ABLIM2: variants seen among roughly 807,000 people sequenced by gnomAD.
ABLIM2 encodes the protein actin binding LIM protein family member 2.
Under a neutral mutation model 97.7 loss-of-function variants are expected in ABLIM2, and 53 were observed. The observed-to-expected ratio is 0.54, with a 90% CI of 0.44 to 0.68. The LOEUF (loss-of-function observed/expected upper bound fraction) is 0.68. Ranked by LOEUF, ABLIM2 falls within the 30% of genes least tolerant of loss-of-function variation. The pLI, the probability that ABLIM2 is intolerant of heterozygous loss-of-function variation, is 0.00. For synonymous variants in ABLIM2, 361 were observed against 345.8 expected, an observed-to-expected ratio of 1.04 and a Z score of -0.49; for missense variants, 835 against 867.2, an observed-to-expected ratio of 0.96 and a Z score of 0.47.
chr4:8,139,966 A>ACCC (rs1850721911), intron 1 of ABLIM2, among the ~76,000 whole-genome samples: 1 of 152,118 alleles, frequency 6.6e-6, no homozygotes, highest in African/African-American at 2.4e-5. Flanking sequence ...CATGGATAGA[A>ACCC]CTGGAAGCCA....
intron 2 of ABLIM2, among the ~76,000 whole-genome samples, chr4:8,104,989 G>T (rs1043700046): frequency 6.6e-6 from 1 of 152,190 alleles, no homozygotes; most frequent in Non-Finnish European, 1.5e-5. Flanking sequence ...GACCCTCAAG[G>T]CGCCTCCACA....
intron 6 of ABLIM2, among the ~76,000 whole-genome samples, chr4:8,066,139 A>T (rs1049933528): frequency 4.7e-5 from 7 of 149,350 alleles, no homozygotes; most frequent in African/African-American, 1.7e-4. Context: ...GTCTCTACTA[A>T]AAAAAAATTA....
chr4:8,008,860 C>T (rs1221706375), intron 15 of ABLIM2, among the ~76,000 whole-genome samples, 190 bp downstream of exon 15: 2 of 152,138 alleles, frequency 1.3e-5, no homozygotes, highest in African/African-American at 4.8e-5. Flanking sequence ...CCCAGGACCT[C>T]GGTAGGAGAC....
chr4:7,994,018 G>T, intron 16 of ABLIM2: 1 of 475,872 alleles, frequency 2.1e-6, no homozygotes, highest in Non-Finnish European at 4.2e-6. Context: ...TTGCATTCTG[G>T]AAAGGAAGGG....
At chr4:7,967,630 G>T (rs748025373) in intron 20 of ABLIM2, among the ~76,000 whole-genome samples, 13 of 152,216 alleles carry the variant, frequency 8.5e-5, no homozygotes, top group Non-Finnish European at 1.5e-4. Flanking sequence ...GGAAGCCCCT[G>T]GTGTGTAAGC....
chr4:8,106,352 TCTC>T (rs1225938043), intron 2 of ABLIM2, 139 bp downstream of exon 2: 57 of 1,194,298 alleles, frequency 4.8e-5, no homozygotes, highest in Non-Finnish European at 6.2e-5. Context: ...AAGATCCCAC[TCTC>T]CTCTGAAGAT....
At chr4:8,017,552 C>T (rs185715033) in intron 14 of ABLIM2, among the ~76,000 whole-genome samples, 3,103 of 152,044 alleles carry the variant, frequency 0.02, 35 homozygotes, top group Non-Finnish European at 0.03. Context: ...CTTCCCAAAG[C>T]GCTAGGATTA....
chr4:8,075,809 G>A lies in ABLIM2; in HGVS notation c.675+1819C>T, dbSNP rs564940055. On this transcript the variant is annotated intron_variant, in intron 6 of 20. Coordinates refer to ENST00000447017, the MANE Select transcript of ABLIM2 (RefSeq NM_001130083.2). The surrounding 1 kb of genome is among the most constrained non-coding windows in gnomAD (Gnocchi z 4.4). ...AATACCAAAAGAAGAAATGCTTATG[G>A]GGAGTTTATAATAAACTGGAAATCT... 3.2e-4 allele frequency among the ~76,000 whole-genome samples: 49 copies of A among 152,334 alleles called. No homozygotes were observed. Among genetic ancestry groups the A allele is most frequent in the Middle Eastern group, 3.4e-3 (1 of 294 alleles).
Position 8,058,292 on chromosome 4 carries a change from C to A in ABLIM2, c.763+2675G>T, listed in dbSNP as rs866556642. 1.3e-5 allele frequency among the ~76,000 whole-genome samples: 2 copies of A among 152,228 alleles called. No individual in the cohort carries two copies. The highest frequency in any genetic ancestry group is 4.8e-5 in the African/African-American group (2 of 41,474). On this transcript the variant is annotated intron_variant, in intron 7 of 20. Coordinates refer to ENST00000447017, the MANE Select transcript of ABLIM2 (RefSeq NM_001130083.2). This position sits in a 1 kb window ranked among gnomAD's most constrained non-coding sequence, Gnocchi z 4.2. Reference sequence around the variant, plus strand: ...AAGGACCCTTTGACGGGCTCTCGAGCAGAGACTCAAGGAACAGGCGACACC... The same window carrying A: ...AAGGACCCTTTGACGGGCTCTCGAGAAGAGACTCAAGGAACAGGCGACACC...
At position 8,003,383 on chromosome 4, in the gene ABLIM2, G is replaced by T. The variant is rs201189400; in HGVS notation, c.1618+4676C>A. On this transcript the variant is annotated intron_variant, in intron 16 of 20. Transcript: ENST00000447017. The surrounding 1 kb of genome is among the most constrained non-coding windows in gnomAD (Gnocchi z 4.2). ...TGTACTGAGAGTGAGAAACAGAATG[G>T]GTGTGTGGATACTGGAGGGTGTGTG... Among the ~76,000 whole-genome samples, 64 of 152,136 alleles carry T rather than the reference G, an allele frequency of 4.2e-4. No individual in the cohort carries two copies. In the East Asian group the frequency reaches 9.5e-3, roughly 23 times the overall value.
chr4:8,141,637 C>T (rs769502592), intron 1 of ABLIM2, among the ~76,000 whole-genome samples: 3 of 152,208 alleles, frequency 2.0e-5, no homozygotes, highest in Admixed American at 1.3e-4. Context: ...CTGCTTTGGT[C>T]TCCCAAAGTG....
intron 1 of ABLIM2, among the ~76,000 whole-genome samples, chr4:8,131,915 CA>C (rs1450287621): frequency 6.7e-6 from 1 of 149,028 alleles, no homozygotes; most frequent in Non-Finnish European, 1.5e-5. Flanking sequence ...ATCTCCAGCA[CA>C]GCAGCCAGCA....
rs1760150222 is a variant in ABLIM2 at position 8,005,003 on chromosome 4, G to A, written c.1618+3056C>T. ...CAGGGACTGGGCCATGCTCACCACT[G>A]CCTAGCACCATGTCCAGCACATAGT... On this transcript the variant is annotated intron_variant, in intron 16 of 20. Coordinates refer to ENST00000447017, the MANE Select transcript of ABLIM2 (RefSeq NM_001130083.2). The surrounding 1 kb of genome is among the most constrained non-coding windows in gnomAD (Gnocchi z 4.9). Among the ~76,000 whole-genome samples, 1 of 152,192 alleles carries A rather than the reference G, an allele frequency of 6.6e-6. No individual in the cohort carries two copies. The highest frequency in any genetic ancestry group is 2.4e-5 in the African/African-American group (1 of 41,442).
At chr4:8,081,222 G>A (rs1478685304) in intron 4 of ABLIM2, among the ~76,000 whole-genome samples, 3 of 152,032 alleles carry the variant, frequency 2.0e-5, no homozygotes, top group Admixed American at 6.6e-5. Context: ...CGTCAGCCCT[G>A]GGAGCTCTCC....
intron 20 of ABLIM2, among the ~76,000 whole-genome samples, chr4:7,977,322 G>C (rs183642911): frequency 1.3e-5 from 2 of 151,894 alleles, no homozygotes; most frequent in Non-Finnish European, 2.9e-5. Context: ...ACCCAGTCTC[G>C]GGTATTTCTT....
chr4:8,026,829 G>A (rs1201929240), intron 12 of ABLIM2, among the ~76,000 whole-genome samples: 1 of 151,066 alleles, frequency 6.6e-6, no homozygotes, highest in Non-Finnish European at 1.5e-5. Flanking sequence ...AGACATCGCT[G>A]TGTCTGCAGT....
chr4:7,966,598 A>C lies in ABLIM2; in HGVS notation c.*392T>G. ...CCCGATGATGGTGTCAGCAACCATCATCAACAAGCCTCACAGCTCACGTCC... is the reference window on the plus strand; with the variant it reads ...CCCGATGATGGTGTCAGCAACCATCCTCAACAAGCCTCACAGCTCACGTCC... On this transcript the variant is annotated 3_prime_UTR_variant, in exon 21 of 21. Transcript: ENST00000447017. 1.0e-5 allele frequency: 2 copies of C among 190,476 alleles called. No individual in the cohort carries two copies. The highest frequency in any genetic ancestry group is 2.3e-5 in the African/African-American group (1 of 43,302). 11.8% of individuals were successfully genotyped at this position (190,476 alleles called of 1,614,324 possible). A position where few individuals can be genotyped will look rare whatever the true frequency, so the allele number is the denominator to read the frequency against.
intron 18 of ABLIM2, 61 bp downstream of exon 18, chr4:7,984,778 G>A (rs1441004538): frequency 5.3e-6 from 8 of 1,500,748 alleles, no homozygotes; most frequent in Non-Finnish European, 6.3e-6. Flanking sequence ...AACAAGTCTT[G>A]TGGAATGTGT....
chr4:8,020,636 C>A, intron 12 of ABLIM2: 1 of 359,520 alleles, frequency 2.8e-6, no homozygotes, highest in Non-Finnish European at 5.1e-6. Context: ...TGTTTGAATC[C>A]AACCAACTGC....
Sources: allele counts gnomAD v4.1 joint callset (sites outside exome capture counted in the v4.1 genomes callset), GRCh38; gene constraint gnomAD v4.1.1; non-coding constraint Gnocchi (gnomAD v3.1); transcripts MANE v1.5; gene names NCBI Gene and HGNC (gene_info 2026-07-23, HGNC 2026-07-21).